ADNP: variants seen among roughly 807,000 people sequenced by gnomAD.
The protein encoded by ADNP is activity-dependent neuroprotector homeobox protein.
In ADNP, 4 loss-of-function variants were observed where a neutral mutation model predicts 84.9. That is an observed-to-expected ratio of 0.05 (90% CI 0.02 to 0.11). The LOEUF is 0.11. Ranked by LOEUF, ADNP falls within the 10% of genes least tolerant of loss-of-function variation. The probability of loss-of-function intolerance (pLI) is 1.00; values close to 1 mark genes in which losing one functional copy is unlikely to be tolerated. For missense variants in ADNP, 1,132 were observed against 1,326.0 expected (o/e 0.85, Z 2.27); for synonymous variants, 554 against 468.1 (o/e 1.18, Z -2.37).
intron 2 of ADNP, among the ~76,000 whole-genome samples, chr20:50,922,616 G>A (rs559727799): frequency 6.0e-4 from 80 of 133,280 alleles, no homozygotes; most frequent in Non-Finnish European, 1.6e-4. Flanking sequence ...ATCTCACTCT[G>A]TCCCCCAGGC....
rs1600925265 is a variant in ADNP at position 50,891,305 on chromosome 20, G to C, written c.*100C>G. 6.9e-7 allele frequency: 1 copy of C among 1,447,740 alleles called. No homozygotes were observed. The highest frequency in any genetic ancestry group is 1.5e-5 in the South Asian group (1 of 68,564). The allele number at this position is 1,447,740 out of a possible 1,614,324, so 89.7% of individuals were successfully genotyped here. ...GGCCACATGCCCCACAGTCCAACCA[G>C]TACTCACAAGGCAGTACCAGTGAGA... is the stretch of plus-strand genomic sequence containing the variant. On this transcript the variant is annotated 3_prime_UTR_variant, in exon 6 of 6. Transcript: ENST00000621696.
At chr20:50,922,262 C>T (rs2870023) in intron 2 of ADNP, among the ~76,000 whole-genome samples, 77,388 of 151,886 alleles carry the variant, frequency 0.51, 23,641 homozygotes, top group African/African-American at 0.87. Context: ...TACCTGGATA[C>T]AGTGTCATAT....
chr20:50,908,097 T>A (rs1242508311), intron 2 of ADNP, among the ~76,000 whole-genome samples: 1 of 151,254 alleles, frequency 6.6e-6, no homozygotes, highest in Non-Finnish European at 1.5e-5. Flanking sequence ...GCAGCTGAAG[T>A]AACAGTCATA....
At chr20:50,914,238 G>C in intron 2 of ADNP, 1 of 727,128 alleles carries the variant, frequency 1.4e-6, no homozygotes, top group Non-Finnish European at 2.5e-6. Flanking sequence ...AAGACACTGA[G>C]GGTAACACTC....
At position 50,893,463 on chromosome 20, in the gene ADNP, T is replaced by A; in HGVS notation, c.1251A>T (p.Ala417=). ...LKSPSLSQSQ[A]SRVLGQSSSK... is the part of the protein sequence containing the mutation. ...AACTGGACTGACCTAACACTCTGGA[T>A]GCCTGTGACTGAGAGAGGGAAGGAG... Residue 417 remains alanine (A), a synonymous_variant, in exon 6 of 6, where the codon GCA becomes GCT. Coordinates refer to ENST00000621696, the MANE Select transcript of ADNP (RefSeq NM_001282531.3). This position sits in a 1 kb window ranked among gnomAD's most constrained non-coding sequence, Gnocchi z 4.4. The A allele has an allele frequency of 6.2e-7, 1 of 1,614,074 alleles. No individual in the cohort carries two copies. The highest frequency in any genetic ancestry group is 8.5e-7 in the Non-Finnish European group (1 of 1,180,036).
At chr20:50,902,235 T>TG (rs1982057722) in intron 4 of ADNP, 126 bp from the exon 5 acceptor site, 1 of 667,268 alleles carries the variant, frequency 1.5e-6, no homozygotes, top group African/African-American at 1.8e-5. Flanking sequence ...AACAAGGACT[T>TG]AAACTAGGAG....
chr20:50,909,485 T>C (rs6020839), intron 2 of ADNP: 12 of 147,822 alleles, frequency 8.1e-5, no homozygotes, highest in African/African-American at 2.7e-4. Context: ...AAGAAAAATA[T>C]CCAATTTAAC....
chr20:50,891,653 C>G lies in ADNP; in HGVS notation c.3061G>C (p.Gly1021Arg). The G allele has an allele frequency of 6.2e-7, 1 of 1,614,220 alleles. No homozygotes were observed. The highest frequency in any genetic ancestry group is 8.5e-7 in the Non-Finnish European group (1 of 1,180,042). Residue 1021 changes from glycine to arginine, a missense_variant, in exon 6 of 6, where the codon GGT becomes CGT. Coordinates refer to ENST00000621696, the MANE Select transcript of ADNP (RefSeq NM_001282531.3). ...PAAKKKATMQ[G>R]DREQLKWKNS... ...TTCCATTTCAACTGCTCTCTGTCAC[C>G]TTGCATGGTAGCCTTTTTTTTGGCA...
intron 2 of ADNP, among the ~76,000 whole-genome samples, chr20:50,927,063 T>C (rs905347747): frequency 6.6e-6 from 1 of 152,172 alleles, no homozygotes; most frequent in African/African-American, 2.4e-5. Context: ...CAAATATAAA[T>C]AATAAGCCAT....
chr20:50,920,527 G>A (rs1322002474), intron 2 of ADNP, among the ~76,000 whole-genome samples: 5 of 149,714 alleles, frequency 3.3e-5, no homozygotes, highest in African/African-American at 9.9e-5. Context: ...TTGAGATCGC[G>A]CCACTGCACT....
intron 4 of ADNP, among the ~76,000 whole-genome samples, 169 bp from the exon 5 acceptor site, chr20:50,902,278 G>T (rs1982062963): frequency 6.6e-6 from 1 of 152,278 alleles, no homozygotes; most frequent in South Asian, 2.1e-4. Flanking sequence ...AAGGCATATG[G>T]AAGTTGCAGT....
rs757837763 is a variant in ADNP at position 50,893,696 on chromosome 20, C to T, written c.1018G>A (p.Gly340Ser). Residue 340 changes from glycine (G) to serine (S), a missense_variant, in exon 6 of 6, where the codon GGT (glycine) becomes AGT (serine). Physicochemically the swap from Gly to Ser is moderately conservative, Grantham distance 56. Transcript: ENST00000621696. The surrounding 1 kb of genome is among the most constrained non-coding windows in gnomAD (Gnocchi z 4.4). ...CTCATTGACTGACCAACACTGTAACCCTGGCCTACAGATTTGACTCCATAG... is the reference window on the plus strand; with the variant it reads ...CTCATTGACTGACCAACACTGTAACTCTGGCCTACAGATTTGACTCCATAG... ...NNYGVKSVGQ[G>S]YSVGQSMRLG... is the part of the protein sequence containing the mutation. 6.8e-6 allele frequency: 11 copies of T among 1,614,102 alleles called. No individual in the cohort carries two copies. In the Middle Eastern group the frequency reaches 4.9e-4, roughly 73 times the overall value.
intron 2 of ADNP, among the ~76,000 whole-genome samples, chr20:50,922,894 T>G (rs1984050100): frequency 6.6e-6 from 1 of 152,066 alleles, no homozygotes; most frequent in Admixed American, 6.6e-5. Context: ...CCTGGGTTTT[T>G]ATAAAAGCTT....
In ADNP at chr20:50,900,965, C is replaced by T. The variant is rs562082262; in HGVS notation, c.201+1052G>A. ...CAAGAAGTTAAATAAAAATGTCCTA[C>T]AGACTGTGAGGAGGGTGAGGTATTT... On this transcript the variant is annotated intron_variant, in intron 5 of 5. Transcript: ENST00000621696. 4.6e-5 allele frequency among the ~76,000 whole-genome samples: 7 copies of T among 152,278 alleles called. No homozygotes were observed. The South Asian group carries it at 1.0e-3, about 23-fold the overall frequency.
Position 50,922,148 on chromosome 20 carries a change from C to G in ADNP, c.-90+6503G>C, listed in dbSNP as rs536022550. ...ACTTTGTTTTTCCTCTGCCCTCACA[C>G]CACACAGAAGTCGTGAAGTTGTCTT... On this transcript the variant is annotated intron_variant, in intron 2 of 5. Transcript: ENST00000621696. Among the ~76,000 whole-genome samples, 38 of 152,304 alleles carry G rather than the reference C, an allele frequency of 2.5e-4. 1 individual carries two copies. The South Asian group carries it at 4.3e-3, about 17-fold the overall frequency.
At chr20:50,924,621 TAAAAC>T (rs1568746052) in intron 2 of ADNP, among the ~76,000 whole-genome samples, 1 of 151,996 alleles carries the variant, frequency 6.6e-6, no homozygotes, top group Non-Finnish European at 1.5e-5. Context: ...GCTTGGAAAA[TAAAAC>T]AGACAAGCCA....
intron 2 of ADNP, among the ~76,000 whole-genome samples, chr20:50,909,201 CTAAAAATACA>C (rs913816778): frequency 4.0e-5 from 6 of 151,396 alleles, no homozygotes; most frequent in African/African-American, 1.5e-4. Context: ...CCCGTCTCTG[CTAAAAATACA>C]AAATTAGCTG....
chr20:50,921,328 G>C (rs1983944539), intron 2 of ADNP, among the ~76,000 whole-genome samples: 1 of 152,154 alleles, frequency 6.6e-6, no homozygotes, highest in African/African-American at 2.4e-5. Context: ...ATCTGTGTGA[G>C]CCATTCATAC....
chr20:50,889,238 G>T lies in ADNP; in HGVS notation c.*2167C>A, dbSNP rs539917043. On this transcript the variant is annotated 3_prime_UTR_variant, in exon 6 of 6. Transcript: ENST00000621696. Reference sequence around the variant, plus strand: ...TATCCAACTGGGACCTGGACCCCAAGCCCCGTGGTGTCTTGTACAAGTCTC... The same window carrying T: ...TATCCAACTGGGACCTGGACCCCAATCCCCGTGGTGTCTTGTACAAGTCTC... 2.0e-5 allele frequency: 3 copies of T among 152,164 alleles called. No individual in the cohort carries two copies. The highest frequency in any genetic ancestry group is 4.4e-5 in the Non-Finnish European group (3 of 68,040). The allele number at this position is 152,164 out of a possible 1,614,324, so 9.4% of individuals were successfully genotyped here. A position where few individuals can be genotyped will look rare whatever the true frequency, so the allele number is the denominator to read the frequency against.
Sources: allele counts gnomAD v4.1 joint callset (sites outside exome capture counted in the v4.1 genomes callset), GRCh38; gene constraint gnomAD v4.1.1; non-coding constraint Gnocchi (gnomAD v3.1); transcripts MANE v1.5; gene names NCBI Gene and HGNC (gene_info 2026-07-23, HGNC 2026-07-21).